Variants in RNF144A observed in about 807,000 individuals in gnomAD.
The protein encoded by RNF144A is E3 ubiquitin-protein ligase RNF144A.
A neutral mutation model predicts 38.7 loss-of-function variants in RNF144A; 11 were observed. The ratio of observed to expected loss-of-function variants is 0.28; its 90% CI spans 0.18 to 0.47. RNF144A has a LOEUF of 0.47. RNF144A is among the 20% of genes least tolerant of loss of function. The pLI, the probability that RNF144A is intolerant of heterozygous loss-of-function variation, is 0.99. For missense variants in RNF144A, 316 were observed against 377.2 expected (o/e 0.84, Z 1.34); for synonymous variants, 149 against 143.9 (o/e 1.04, Z -0.25).
At chr2:7,006,569 C>T (rs1670455573) in intron 3 of RNF144A, among the ~76,000 whole-genome samples, 1 of 152,060 alleles carries the variant, frequency 6.6e-6, no homozygotes, top group African/African-American at 2.4e-5. Context: ...CTACCCCAAC[C>T]CTTGCTGGTC....
chr2:6,945,956 G>A (rs1302670756), intron 2 of RNF144A, among the ~76,000 whole-genome samples: 2 of 152,148 alleles, frequency 1.3e-5, no homozygotes, highest in Non-Finnish European at 2.9e-5. Context: ...GCCATCAGGA[G>A]GAGGTAGAAT....
rs111381266 is a variant in RNF144A, at chr2:6,988,998, C to G, written c.-11-7918C>G. On this transcript the variant is annotated intron_variant, in intron 2 of 8. Transcript: ENST00000320892. ...TATATTGTTTGGACATCCTCTAGCT[C>G]AACTCCAATGTCCTGCCCCAGTCCT... Among the ~76,000 whole-genome samples, 118 of 152,224 alleles carry G rather than the reference C, an allele frequency of 7.8e-4. 1 individual carries two copies. Among genetic ancestry groups the G allele is most frequent in the Middle Eastern group, 3.4e-3 (1 of 294 alleles).
At chr2:7,044,309 G>C (rs1673214927), downstream of RNF144A, 3 of 554,362 alleles carry the variant, frequency 5.4e-6, no homozygotes, top group Non-Finnish European at 6.9e-6. Context: ...ACTGGGGGTG[G>C]AGGGAGAAAG....
At chr2:7,018,930 G>A (rs1671327072) in intron 5 of RNF144A, among the ~76,000 whole-genome samples, 1 of 151,962 alleles carries the variant, frequency 6.6e-6, no homozygotes, top group African/African-American at 2.4e-5. Flanking sequence ...GAGATCAAGG[G>A]TCAGCCAGCC....
intron 2 of RNF144A, among the ~76,000 whole-genome samples, chr2:6,991,160 G>C (rs1324024218): frequency 1.3e-5 from 2 of 152,196 alleles, no homozygotes; most frequent in Non-Finnish European, 2.9e-5. Flanking sequence ...AGGTTTTCAT[G>C]TGAACATAAG....
At chr2:6,999,653 C>T (rs562893310) in intron 3 of RNF144A, among the ~76,000 whole-genome samples, 9 of 152,288 alleles carry the variant, frequency 5.9e-5, no homozygotes, top group African/African-American at 2.2e-4. Context: ...CTCATTTACC[C>T]CATCTGTATA....
intron 6 of RNF144A, chr2:7,068,201 G>A (rs940445197): frequency 2.4e-6 from 3 of 1,268,784 alleles, no homozygotes; most frequent in Non-Finnish European, 3.1e-6. Flanking sequence ...CAGTGAGTAA[G>A]GTTTTCTTTA....
intron 2 of RNF144A, among the ~76,000 whole-genome samples, chr2:6,972,201 T>A (rs1668039117): frequency 6.6e-6 from 1 of 152,180 alleles, no homozygotes. Flanking sequence ...CTTCTTTCCC[T>A]CCTCCTCATT....
intron 2 of RNF144A, among the ~76,000 whole-genome samples, chr2:6,989,658 G>T (rs1669206166): frequency 6.6e-6 from 1 of 151,890 alleles, no homozygotes; most frequent in Admixed American, 6.6e-5. Context: ...TATGGGTTTT[G>T]ATACGTGCAG....
chr2:7,019,428 C>T (rs922236937), intron 5 of RNF144A, among the ~76,000 whole-genome samples: 1 of 152,220 alleles, frequency 6.6e-6, no homozygotes, highest in African/African-American at 2.4e-5. Context: ...AGCTGCCCGG[C>T]GGCCAGTCAC....
At chr2:6,981,458 G>T (rs569028876) in intron 2 of RNF144A, among the ~76,000 whole-genome samples, 1 of 152,230 alleles carries the variant, frequency 6.6e-6, no homozygotes, top group East Asian at 1.9e-4. Context: ...TCCTCTGCCA[G>T]ATACCTTAAA....
At chr2:7,050,320 T>G (rs969078726) in intron 6 of RNF144A, among the ~76,000 whole-genome samples, 5 of 152,188 alleles carry the variant, frequency 3.3e-5, no homozygotes, top group African/African-American at 9.6e-5. Context: ...CTACGCAAGC[T>G]CTCTTGCCTG....
intron 3 of RNF144A, among the ~76,000 whole-genome samples, chr2:7,003,990 T>G (rs1670281576): frequency 6.6e-6 from 1 of 152,262 alleles, no homozygotes; most frequent in Admixed American, 6.5e-5. Context: ...GCTCCCAAAC[T>G]AATGAATGGG....
chr2:7,012,435 T>G (rs1670878646), intron 3 of RNF144A, among the ~76,000 whole-genome samples: 1 of 152,168 alleles, frequency 6.6e-6, no homozygotes, highest in African/African-American at 2.4e-5. Flanking sequence ...CTGGTTTTAT[T>G]GTCAAGGGAG....
At chr2:6,998,347 G>A (rs967780670) in intron 3 of RNF144A, among the ~76,000 whole-genome samples, 1 of 152,122 alleles carries the variant, frequency 6.6e-6, no homozygotes, top group Non-Finnish European at 1.5e-5. Context: ...TATTTCATTT[G>A]CACCTCATGA....
intron 2 of RNF144A, among the ~76,000 whole-genome samples, chr2:6,952,440 C>T (rs1365376366): frequency 2.0e-5 from 3 of 150,070 alleles, no homozygotes; most frequent in Admixed American, 6.6e-5. Context: ...ATTTTGTGTA[C>T]GATTTATATT....
chr2:6,951,273 T>A (rs1666657031), intron 2 of RNF144A, among the ~76,000 whole-genome samples: 1 of 88,976 alleles, frequency 1.1e-5, no homozygotes, highest in South Asian at 4.3e-4. Context: ...TTCCATGTAT[T>A]CATGTTTTTT....
At chr2:7,072,363 C>T (rs1447571202), downstream of RNF144A, among the ~76,000 whole-genome samples, 1 of 152,146 alleles carries the variant, frequency 6.6e-6, no homozygotes, top group African/African-American at 2.4e-5. Flanking sequence ...GAGGAAATTT[C>T]AAAGCAAAGT....
At chr2:6,972,001 G>T (rs893978780) in intron 2 of RNF144A, among the ~76,000 whole-genome samples, 2 of 152,138 alleles carry the variant, frequency 1.3e-5, no homozygotes, top group Non-Finnish European at 2.9e-5. Context: ...CTTGGAAGGG[G>T]AGTCCCATTT....
Sources: gnomAD v4.1 joint callset for allele counts (sites outside exome capture counted in the v4.1 genomes callset) on GRCh38, gnomAD v4.1.1 for gene constraint, MANE v1.5 for transcripts, NCBI Gene and HGNC (gene_info 2026-07-23, HGNC 2026-07-21) for gene names.